FSTL4: variants seen among roughly 807,000 people sequenced by gnomAD.
The protein encoded by FSTL4 is follistatin-related protein 4.
Under a neutral mutation model 78.2 loss-of-function variants are expected in FSTL4, and 28 were observed. The ratio of observed to expected loss-of-function variants is 0.36; its 90% confidence interval spans 0.27 to 0.49. The LOEUF (loss-of-function observed/expected upper bound fraction) is 0.49. Among genes scored for constraint, FSTL4 ranks in the 20% least tolerant of loss-of-function variants. The probability of loss-of-function intolerance (pLI) is 0.98; values close to 1 mark genes in which losing one functional copy is unlikely to be tolerated. For missense variants in FSTL4, 922 were observed against 1,084.9 expected (o/e 0.85, Z 2.11); for synonymous variants, 422 against 440.5 (o/e 0.96, Z 0.53).
rs544181041 is a variant in FSTL4, at chr5:133,525,309, A to G, written c.160+41877T>C. On this transcript the variant is annotated intron_variant, in intron 3 of 15. Transcript: ENST00000265342. ...GTTTCCCCCTGCACTGCCCAAGTCC[A>G]TGTCTGGTTAGCCTGTGCCTGACTT... is the stretch of plus-strand genomic sequence containing the variant. Among the ~76,000 whole-genome samples, 5 of 152,342 alleles carry G rather than the reference A, an allele frequency of 3.3e-5. No individual in the cohort carries two copies. The South Asian group carries it at 8.3e-4, about 25-fold the overall frequency.
the FSTL4 span, among the ~76,000 whole-genome samples, chr5:133,632,890 T>C: frequency 6.6e-6 from 1 of 152,172 alleles, no homozygotes; most frequent in Non-Finnish European, 1.5e-5. Flanking sequence ...GCTTTCACTA[T>C]GTTGCCCAGG....
chr5:133,392,003 A>G (rs774694959), intron 4 of FSTL4, among the ~76,000 whole-genome samples: 3 of 152,206 alleles, frequency 2.0e-5, no homozygotes, highest in Non-Finnish European at 4.4e-5. Context: ...TATCTGATGC[A>G]TAGTACATGA....
chr5:133,294,686 A>G (rs1350379863), intron 6 of FSTL4, among the ~76,000 whole-genome samples: 1 of 151,566 alleles, frequency 6.6e-6, no homozygotes, highest in Non-Finnish European at 1.5e-5. Context: ...CAGCCTGAAA[A>G]CTCATATCTA....
At chr5:133,623,550 G>A in the FSTL4 span, among the ~76,000 whole-genome samples, 1 of 151,942 alleles carries the variant, frequency 6.6e-6, no homozygotes, top group African/African-American at 2.4e-5. Flanking sequence ...AACTCTTGGG[G>A]GGAAATCATA....
chr5:133,497,338 A>G (rs1483603760), intron 3 of FSTL4, among the ~76,000 whole-genome samples: 1 of 152,246 alleles, frequency 6.6e-6, no homozygotes, highest in African/African-American at 2.4e-5. Flanking sequence ...ATGGAAGAAG[A>G]TGGATAATAA....
chr5:133,242,239 C>T (rs1299789458), intron 7 of FSTL4, among the ~76,000 whole-genome samples: 3 of 152,156 alleles, frequency 2.0e-5, no homozygotes, highest in African/African-American at 7.2e-5. Context: ...GGGCATGGCT[C>T]ATGGGCTGCA....
intron 3 of FSTL4, among the ~76,000 whole-genome samples, chr5:133,470,618 G>T (rs1319451358): frequency 2.0e-5 from 3 of 152,020 alleles, no homozygotes; most frequent in Non-Finnish European, 2.9e-5. Context: ...AGTGGCGCGT[G>T]CCTGTAATCA....
intron 3 of FSTL4, among the ~76,000 whole-genome samples, chr5:133,454,982 T>C (rs192109760): frequency 6.6e-6 from 1 of 152,374 alleles, no homozygotes; most frequent in Admixed American, 6.5e-5. Flanking sequence ...CCTTGTCTTG[T>C]TGACTCGGTG....
the FSTL4 span, among the ~76,000 whole-genome samples, chr5:133,705,887 A>G: frequency 5.3e-5 from 8 of 151,868 alleles, no homozygotes; most frequent in African/African-American, 1.5e-4. Flanking sequence ...ACACACACAC[A>G]CACACTGTGG....
chr5:133,692,883 G>A, the FSTL4 span, among the ~76,000 whole-genome samples: 2 of 152,186 alleles, frequency 1.3e-5, no homozygotes, highest in African/African-American at 4.8e-5. Context: ...ATTAGGTCAG[G>A]TCCACTGCCA....
chr5:133,272,334 A>G (rs1168255645), intron 6 of FSTL4, among the ~76,000 whole-genome samples: 1 of 152,184 alleles, frequency 6.6e-6, no homozygotes, highest in Non-Finnish European at 1.5e-5. Context: ...TTCTTAACGC[A>G]TTGTTTGTCT....
chr5:133,775,796 G>T, the FSTL4 span, among the ~76,000 whole-genome samples: 1 of 152,124 alleles, frequency 6.6e-6, no homozygotes, highest in African/African-American at 2.4e-5. Flanking sequence ...CTGACATTTT[G>T]CACAGTGTGA....
At chr5:133,349,295 C>CTCTGTGTGTGTG (rs11269337) in intron 4 of FSTL4, among the ~76,000 whole-genome samples, 6,354 of 139,594 alleles carry the variant, frequency 0.046, 193 homozygotes, top group East Asian at 0.077. Context: ...GCCTCTCTCT[C>CTCTGTGTGTGTG]TGTGTGTGTG....
At chr5:133,718,991 C>A in the FSTL4 span, among the ~76,000 whole-genome samples, 3 of 152,262 alleles carry the variant, frequency 2.0e-5, no homozygotes, top group African/African-American at 7.2e-5. Flanking sequence ...AGTCATTTAA[C>A]TTTATGATAG....
chr5:133,557,915 C>A (rs1292278985), intron 3 of FSTL4, among the ~76,000 whole-genome samples: 5 of 152,212 alleles, frequency 3.3e-5, no homozygotes, highest in Non-Finnish European at 7.3e-5. Context: ...AAAGGGGACC[C>A]TCTGCTGAGA....
intron 3 of FSTL4, among the ~76,000 whole-genome samples, chr5:133,538,832 C>A (rs1418653925): frequency 6.6e-6 from 1 of 152,158 alleles, no homozygotes; most frequent in South Asian, 2.1e-4. Flanking sequence ...GATTCTGGCT[C>A]TGGGTCCCTC....
At chr5:133,360,970 G>A (rs185368081) in intron 4 of FSTL4, among the ~76,000 whole-genome samples, 265 of 152,248 alleles carry the variant, frequency 1.7e-3, no homozygotes, top group Non-Finnish European at 5.4e-4. Context: ...AAATCTTTGA[G>A]AATAAAACTG....
chr5:133,592,300 G>C (rs1350360109), intron 2 of FSTL4, among the ~76,000 whole-genome samples: 3 of 152,206 alleles, frequency 2.0e-5, no homozygotes, highest in Non-Finnish European at 4.4e-5. Context: ...TGTTTGTGAT[G>C]ATTCTTTCTT....
rs74444648 is a variant in FSTL4 at position 133,261,511 on chromosome 5, G to A, written c.728-11935C>T. On this transcript the variant is annotated intron_variant, in intron 6 of 15. Coordinates refer to ENST00000265342, the MANE Select transcript of FSTL4 (RefSeq NM_015082.2). The stretch of plus-strand genomic sequence containing the variant: ...GGACACGCCTTGTTATATCCACTCC[G>A]TTTTGCAGTTTAGACACAACAATGG... Among the ~76,000 whole-genome samples the A allele has an allele frequency of 7.9e-4, 121 of 152,212 alleles. 1 individual carries two copies. Among genetic ancestry groups the A allele is most frequent in the African/African-American group, 2.6e-3 (108 of 41,524 alleles).
Sources: allele counts gnomAD v4.1 joint callset (sites outside exome capture counted in the v4.1 genomes callset), GRCh38; gene constraint gnomAD v4.1.1; transcripts MANE v1.5; gene names NCBI Gene and HGNC (gene_info 2026-07-23, HGNC 2026-07-21).